GPR180: variants seen among roughly 807,000 people sequenced by gnomAD.
GPR180 encodes the protein integral membrane protein GPR180.
In GPR180, 53 loss-of-function variants were observed where a neutral mutation model predicts 52.6. That is an observed-to-expected ratio of 1.01 (90% CI 0.81 to 1.27). The LOEUF is 1.27. Among genes scored for constraint, GPR180 ranks in the 50% most tolerant of loss-of-function variants. The probability of loss-of-function intolerance (pLI) is 0.00; values close to 1 mark genes in which losing one functional copy is unlikely to be tolerated. For missense variants in GPR180, 533 were observed against 527.0 expected, an observed-to-expected ratio of 1.01 and a Z score of -0.11; for synonymous variants, 200 against 193.1, an observed-to-expected ratio of 1.04 and a Z score of -0.30.
In GPR180 at chr13:94,606,492, G is replaced by T. The variant is rs937954482; in HGVS notation, c.304+943G>T. On this transcript the variant is annotated intron_variant, in intron 2 of 8. Transcript: ENST00000376958. ...AAATTTTTTTAAATACGGAAATGAA[G>T]AACATGTGCCATTGTTTCCATTTTG... Among the ~76,000 whole-genome samples the T allele has an allele frequency of 8.5e-5, 13 of 152,124 alleles. No homozygotes were observed. The East Asian group carries it at 2.5e-3, about 29-fold the overall frequency.
chr13:94,624,776 T>C (rs891336852), intron 7 of GPR180, among the ~76,000 whole-genome samples: 3 of 152,194 alleles, frequency 2.0e-5, no homozygotes, highest in Non-Finnish European at 4.4e-5. Flanking sequence ...CCTCCTGACC[T>C]TGTGATATGC....
chr13:94,608,022 A>G (rs1250379629), intron 2 of GPR180, among the ~76,000 whole-genome samples: 1 of 152,196 alleles, frequency 6.6e-6, no homozygotes, highest in African/African-American at 2.4e-5. Context: ...TTTGAGCTAT[A>G]GGAATATTGA....
chr13:94,627,363 T>C lies in GPR180; in HGVS notation c.*192T>C, dbSNP rs575161981. 4.1e-6 allele frequency: 2 copies of C among 482,836 alleles called. No homozygotes were observed. The highest frequency in any genetic ancestry group is 8.4e-5 in the Admixed American group (2 of 23,740). 29.9% of individuals were successfully genotyped at this position (482,836 alleles called of 1,614,324 possible). ...GTAATAAATGAAATGTTTTGAAATATACTTAAACAACAAACTTTGAAGAAA... is the reference window on the plus strand; with the variant it reads ...GTAATAAATGAAATGTTTTGAAATACACTTAAACAACAAACTTTGAAGAAA... On this transcript the variant is annotated 3_prime_UTR_variant, in exon 9 of 9. Coordinates refer to ENST00000376958, the MANE Select transcript of GPR180 (RefSeq NM_180989.6).
Position 94,627,054 on chromosome 13 carries a change from G to C in GPR180, c.1206G>C (p.Met402Ile). The part of the protein sequence containing the change: ...IGVILCQSVS[M>I]VILYRLFLSH... ...TTATCCTTTGCCAGTCTGTTTCCAT[G>C]GTTATTCTCTACAGACTCTTTCTGT... Residue 402 changes from methionine (M) to isoleucine (I), a missense_variant, in exon 9 of 9, where the codon ATG (methionine) becomes ATC (isoleucine). Transcript: ENST00000376958. 1 of 1,611,326 alleles carries C rather than the reference G, an allele frequency of 6.2e-7. No homozygotes were observed. Among genetic ancestry groups the C allele is most frequent in the Non-Finnish European group, 8.5e-7 (1 of 1,178,520 alleles).
At position 94,627,332 on chromosome 13, in the gene GPR180, A is replaced by G. The variant is rs1889941759; in HGVS notation, c.*161A>G. ...CATTTAAGCAGTACCAAGACTGAAA[A>G]AAAAGGTAATAAATGAAATGTTTTG... On this transcript the variant is annotated 3_prime_UTR_variant, in exon 9 of 9. Transcript: ENST00000376958. The G allele has an allele frequency of 1.9e-6, 1 of 514,956 alleles. No homozygotes were observed. The highest frequency in any genetic ancestry group is 3.3e-6 in the Non-Finnish European group (1 of 300,020). 31.9% of individuals were successfully genotyped at this position (514,956 alleles called of 1,614,324 possible). A position where few individuals can be genotyped will look rare whatever the true frequency, so the allele number is the denominator to read the frequency against.
chr13:94,625,544 C>T (rs1304040188), intron 7 of GPR180, among the ~76,000 whole-genome samples: 1 of 152,122 alleles, frequency 6.6e-6, no homozygotes, highest in Admixed American at 6.5e-5. Flanking sequence ...TCTGTTCTAA[C>T]CCTCAAACAG....
At chr13:94,624,872 T>G (rs1889905378) in intron 7 of GPR180, among the ~76,000 whole-genome samples, 1 of 148,976 alleles carries the variant, frequency 6.7e-6, no homozygotes, top group Non-Finnish European at 1.5e-5. Flanking sequence ...TTCGCTCTTG[T>G]CCAGGCTGTA....
Position 94,602,022 on chromosome 13 carries a change from C to G in GPR180, c.95C>G (p.Thr32Ser), listed in dbSNP as rs745340980. ...ACCCTGCGGGGCAGCTTCAGCAGCA[C>G]CGCGGCCCAGGACGCCCAGGGCCAG... ...GKTLRGSFSS[T>S]AAQDAQGQRI... Residue 32 changes from threonine to serine, a missense_variant, in exon 1 of 9, where the codon ACC becomes AGC. Thr to Ser is a moderately conservative substitution (Grantham distance 58). Coordinates refer to ENST00000376958, the MANE Select transcript of GPR180 (RefSeq NM_180989.6). 1.4e-6 allele frequency: 2 copies of G among 1,465,828 alleles called. No individual in the cohort carries two copies. The highest frequency in any genetic ancestry group is 1.8e-6 in the Non-Finnish European group (2 of 1,109,584). 90.8% of individuals were successfully genotyped at this position (1,465,828 alleles called of 1,614,324 possible). A position where few individuals can be genotyped will look rare whatever the true frequency, so the allele number is the denominator to read the frequency against.
chr13:94,604,506 C>G (rs1889604665), intron 1 of GPR180, among the ~76,000 whole-genome samples: 1 of 152,042 alleles, frequency 6.6e-6, no homozygotes, highest in African/African-American at 2.4e-5. Context: ...AGGAGAATCG[C>G]TTGAACCTGG....
rs757885837 is a variant in GPR180 at position 94,612,248 on chromosome 13, G to A, written c.363G>A (p.Thr121=). The change falls in exon 3 of 9, where the codon ACG becomes ACA. Residue 121 remains threonine (T), a synonymous_variant. Coordinates refer to ENST00000376958, the MANE Select transcript of GPR180 (RefSeq NM_180989.6). ...TGTCCCAGATTCCGTCTCCACAAACGTGGCATGTGTTTTATGCAGACAAGT... is the reference window on the plus strand; with the variant it reads ...TGTCCCAGATTCCGTCTCCACAAACATGGCATGTGTTTTATGCAGACAAGT... ...LTVSQIPSPQ[T]WHVFYADKYT... The A allele has an allele frequency of 1.1e-5, 18 of 1,613,882 alleles. No homozygotes were observed. Among genetic ancestry groups the A allele is most frequent in the East Asian group, 6.7e-5 (3 of 44,870 alleles).
At chr13:94,620,871 A>T (rs6492723) in intron 5 of GPR180, among the ~76,000 whole-genome samples, 91,246 of 151,906 alleles carry the variant, frequency 0.6, 28,461 homozygotes, top group African/African-American at 0.77. Context: ...TAACTATTTT[A>T]ATAAATATAT....
At position 94,619,536 on chromosome 13, in the gene GPR180, A is replaced by C; in HGVS notation, c.736+19A>C. On this transcript the variant is annotated intron_variant, in intron 5 of 8. Transcript: ENST00000376958. ...GCAGAATGTGAGTATCTTTCTGAGC[A>C]TTTTTTAAAAAGCTTTTACACTCGC... 6.2e-7 allele frequency: 1 copy of C among 1,602,018 alleles called. No individual in the cohort carries two copies. The highest frequency in any genetic ancestry group is 8.5e-7 in the Non-Finnish European group (1 of 1,172,070).
intron 1 of GPR180, among the ~76,000 whole-genome samples, chr13:94,604,889 G>GT: frequency 6.6e-6 from 1 of 152,158 alleles, no homozygotes; most frequent in South Asian, 2.1e-4. Context: ...AAGTTCTTTT[G>GT]TAAAAGTCGT....
At chr13:94,618,420 ATTTTTTTTTTTTT>A (rs570807308) in intron 3 of GPR180, among the ~76,000 whole-genome samples, 1 of 87,156 alleles carries the variant, frequency 1.1e-5, no homozygotes, top group African/African-American at 6.3e-5. Context: ...TCAGCACAGG[ATTTTTTTTTTTTT>A]TTTTTTTTTT....
intron 3 of GPR180, among the ~76,000 whole-genome samples, chr13:94,613,161 AC>A (rs1889733350): frequency 6.6e-6 from 1 of 152,200 alleles, no homozygotes. Context: ...TTAAGGGTTT[AC>A]CTCTTCATGA....
In GPR180 at chr13:94,631,921, A is replaced by G. The variant is rs1890004269; in HGVS notation, c.*4750A>G. ...TGTGTCTGGTTTCTGGCCTGCCACA[A>G]CCAGAAGCACCAATTTAAAAGAGAA... On this transcript the variant is annotated 3_prime_UTR_variant, in exon 9 of 9. Transcript: ENST00000376958. The G allele has an allele frequency of 6.6e-6, 1 of 152,130 alleles. No individual in the cohort carries two copies. 9.4% of individuals were successfully genotyped at this position (152,130 alleles called of 1,614,324 possible).
chr13:94,618,349 T>C (rs1242024654), intron 3 of GPR180, among the ~76,000 whole-genome samples: 2 of 151,926 alleles, frequency 1.3e-5, no homozygotes, highest in East Asian at 1.9e-4. Flanking sequence ...CCCCTTGCAT[T>C]GGTAGCCATT....
At chr13:94,606,194 G>C (rs188204508) in intron 2 of GPR180, among the ~76,000 whole-genome samples, 49 of 152,330 alleles carry the variant, frequency 3.2e-4, no homozygotes, top group African/African-American at 7.2e-4. Context: ...TACTTGGCAG[G>C]CTGAGGCATG....
At chr13:94,618,419 G>GGTTTTTTTTTTTTTTTT (rs1566980109) in intron 3 of GPR180, among the ~76,000 whole-genome samples, 2 of 72,970 alleles carry the variant, frequency 2.7e-5, no homozygotes, top group African/African-American at 1.2e-4. Context: ...ATCAGCACAG[G>GGTTTTTTTTTTTTTTTT]ATTTTTTTTT....
Sources: gnomAD v4.1 joint callset for allele counts (sites outside exome capture counted in the v4.1 genomes callset) on GRCh38, gnomAD v4.1.1 for gene constraint, MANE v1.5 for transcripts, NCBI Gene and HGNC (gene_info 2026-07-23, HGNC 2026-07-21) for gene names.